The following DCHS2 variants were observed in gnomAD, a reference collection of about 807,000 sequenced individuals.
The protein encoded by DCHS2 is dachsous cadherin-related 2.
In DCHS2, 142 loss-of-function variants were observed where a neutral mutation model predicts 182.4. That is an observed-to-expected ratio of 0.78 (90% CI 0.68 to 0.89). The LOEUF is 0.89. DCHS2 is among the 40% of genes least tolerant of loss of function. DCHS2 has a pLI of 0.00. For missense variants in DCHS2, 4,319 were observed against 4,198.6 expected (o/e 1.03, Z -0.79); for synonymous variants, 1,740 against 1,663.3 (o/e 1.05, Z -1.12).
intron 1 of DCHS2, among the ~76,000 whole-genome samples, chr4:154,397,126 G>A (rs1023047377): frequency 5.9e-5 from 9 of 152,180 alleles, no homozygotes; most frequent in African/African-American, 2.2e-4. Flanking sequence ...AGCAGAAAAG[G>A]ACACCGCACT....
chr4:154,413,739 G>T (rs1049011017), intron 1 of DCHS2, among the ~76,000 whole-genome samples: 1 of 152,134 alleles, frequency 6.6e-6, no homozygotes, highest in African/African-American at 2.4e-5. Flanking sequence ...ACCCCTATAA[G>T]ATGGCCCTCC....
chr4:154,457,861 G>T (rs1734837521), intron 1 of DCHS2, among the ~76,000 whole-genome samples: 1 of 152,160 alleles, frequency 6.6e-6, no homozygotes, highest in East Asian at 1.9e-4. Context: ...TGGTGTTGTT[G>T]ATGCTGCTGG....
At chr4:154,470,274 A>C (rs962094624) in intron 1 of DCHS2, among the ~76,000 whole-genome samples, 22 of 152,090 alleles carry the variant, frequency 1.4e-4, no homozygotes, top group African/African-American at 5.1e-4. Context: ...GCCTCAATTG[A>C]GGAGTTTGAG....
Position 154,491,590 on chromosome 4 carries a change from C to T in DCHS2, c.-235G>A, listed in dbSNP as rs1276965966. ...CTAGCTGCCTCTGCCGCGGCAGCCA[C>T]CTCTTCTGCCCCTGGATTTCTTTAA... is the stretch of plus-strand genomic sequence containing the variant. On this transcript the variant is annotated 5_prime_UTR_variant, in exon 1 of 20. The change creates a new upstream start codon in the 5' untranslated region. Transcript: ENST00000357232. 3.0e-6 allele frequency: 4 copies of T among 1,341,532 alleles called. No homozygotes were observed. Among genetic ancestry groups the T allele is most frequent in the Admixed American group, 3.6e-5 (1 of 27,816 alleles). 83.1% of individuals were successfully genotyped at this position (1,341,532 alleles called of 1,614,324 possible). A position where few individuals can be genotyped will look rare whatever the true frequency, so the allele number is the denominator to read the frequency against.
At chr4:154,419,780 C>T (rs796073606) in intron 1 of DCHS2, among the ~76,000 whole-genome samples, 12 of 139,194 alleles carry the variant, frequency 8.6e-5, no homozygotes, top group African/African-American at 3.2e-4. Context: ...GGACAGAAAG[C>T]AGGGTGATGC....
At chr4:154,455,571 A>G (rs776596753) in intron 1 of DCHS2, among the ~76,000 whole-genome samples, 3 of 152,230 alleles carry the variant, frequency 2.0e-5, no homozygotes, top group Admixed American at 6.5e-5. Context: ...AAAGGAAATC[A>G]CTTCTGGTGG....
chr4:154,309,601 T>C (rs1244624426), intron 10 of DCHS2, among the ~76,000 whole-genome samples: 1 of 152,186 alleles, frequency 6.6e-6, no homozygotes, highest in Non-Finnish European at 1.5e-5. Flanking sequence ...GTTTGTAGCA[T>C]CTATTCTTCC....
chr4:154,423,082 C>T (rs1037716222), intron 1 of DCHS2, among the ~76,000 whole-genome samples: 1 of 152,154 alleles, frequency 6.6e-6, no homozygotes, highest in Non-Finnish European at 1.5e-5. Context: ...AAATATAACT[C>T]ATACCATAAA....
chr4:154,234,574 A>G lies in DCHS2; in HGVS notation c.10078T>C (p.Cys3360Arg). Residue 3360 changes from cysteine (C) to arginine (R), a missense_variant, in exon 20 of 20, where the codon TGC becomes CGC. Cys to Arg is a radical substitution (Grantham distance 180, BLOSUM62 -3). Transcript: ENST00000357232. Reference protein sequence around the residue: ...ELLGTHISGTCHELKAEDEVQ... With the variant: ...ELLGTHISGTRHELKAEDEVQ... ...TCATCTTCTGCTTTAAGTTCATGGC[A>G]TGTACCACTGATGTGTGTTCCTAAT... 1.2e-6 allele frequency: 2 copies of G among 1,613,694 alleles called. No individual in the cohort carries two copies. The highest frequency in any genetic ancestry group is 1.7e-6 in the Non-Finnish European group (2 of 1,179,784).
intron 1 of DCHS2, among the ~76,000 whole-genome samples, chr4:154,385,995 T>C (rs1468438790): frequency 1.3e-5 from 2 of 152,102 alleles, no homozygotes; most frequent in Non-Finnish European, 2.9e-5. Context: ...CTTAAGTGAC[T>C]AATTGGCATC....
intron 1 of DCHS2, among the ~76,000 whole-genome samples, chr4:154,416,790 C>A (rs1732849859): frequency 6.6e-6 from 1 of 152,202 alleles, no homozygotes; most frequent in Non-Finnish European, 1.5e-5. Context: ...CTGGCGGCGC[C>A]AGGCAGGAAA....
chr4:154,394,072 A>G (rs1731827148), intron 1 of DCHS2, among the ~76,000 whole-genome samples: 1 of 152,116 alleles, frequency 6.6e-6, no homozygotes, highest in South Asian at 2.1e-4. Context: ...TCAAATCAGT[A>G]ATCACAGGTA....
chr4:154,298,351 G>A lies in DCHS2; in HGVS notation c.5963C>T (p.Thr1988Ile). ...GTCGAGGGTGTTGCTGGTTTTCAATGTGCCTGACATAGGATCAATGGTGAA... is the reference window on the plus strand; with the variant it reads ...GTCGAGGGTGTTGCTGGTTTTCAATATGCCTGACATAGGATCAATGGTGAA... ...GAFTIDPMSGTLKTSNTLDRE... is the reference protein window; with the variant it reads ...GAFTIDPMSGILKTSNTLDRE... The change falls in exon 13 of 20, where the codon ACA (threonine) becomes ATA (isoleucine). Residue 1988 changes from threonine to isoleucine, a missense_variant. Coordinates refer to ENST00000357232, the MANE Select transcript of DCHS2 (RefSeq NM_001358235.2). 1 of 1,614,172 alleles carries A rather than the reference G, an allele frequency of 6.2e-7. No individual in the cohort carries two copies. Among genetic ancestry groups the A allele is most frequent in the Non-Finnish European group, 8.5e-7 (1 of 1,180,006 alleles).
At chr4:154,357,215 C>G in intron 3 of DCHS2, 1 of 1,596,516 alleles carries the variant, frequency 6.3e-7, no homozygotes, top group South Asian at 1.1e-5. Context: ...AGGCTAACCT[C>G]TACTTGAAGT....
chr4:154,294,671 C>T (rs1204272768), intron 13 of DCHS2, among the ~76,000 whole-genome samples: 1 of 152,150 alleles, frequency 6.6e-6, no homozygotes, highest in Non-Finnish European at 1.5e-5. Context: ...CAGTTCAGAA[C>T]AGTGTTATGC....
At chr4:154,345,023 A>G (rs1267687388) in intron 3 of DCHS2, among the ~76,000 whole-genome samples, 1 of 152,282 alleles carries the variant, frequency 6.6e-6, no homozygotes, top group East Asian at 1.9e-4. Flanking sequence ...GAAAGCATGA[A>G]AAAGCCCCTT....
chr4:154,276,382 C>A (rs1194214819), intron 13 of DCHS2, among the ~76,000 whole-genome samples: 1 of 152,044 alleles, frequency 6.6e-6, no homozygotes, highest in Non-Finnish European at 1.5e-5. Context: ...CCGCTCACAG[C>A]AGCAATTTAA....
chr4:154,302,324 G>A (rs1378142008), intron 12 of DCHS2, among the ~76,000 whole-genome samples: 3 of 152,216 alleles, frequency 2.0e-5, no homozygotes, highest in Non-Finnish European at 4.4e-5. Flanking sequence ...CATTCCCAGC[G>A]CCTTGCGCTC....
At chr4:154,343,425 G>A in intron 3 of DCHS2, 4 of 1,335,388 alleles carry the variant, frequency 3.0e-6, no homozygotes, top group Non-Finnish European at 3.9e-6. Flanking sequence ...TTCATATAAG[G>A]CTGTTTCATC....
Sources: allele counts gnomAD v4.1 joint callset (sites outside exome capture counted in the v4.1 genomes callset), GRCh38; gene constraint gnomAD v4.1.1; transcripts MANE v1.5; gene names NCBI Gene and HGNC (gene_info 2026-07-23, HGNC 2026-07-21).